The following CACNG5 variants were observed in gnomAD, a reference collection of about 807,000 sequenced individuals.
CACNG5 encodes calcium voltage-gated channel auxiliary subunit gamma 5, also known as voltage-dependent calcium channel gamma-5 subunit.
In CACNG5, 18 loss-of-function variants were observed where a neutral mutation model predicts 24.8. That is an observed-to-expected ratio of 0.73 (90% CI 0.50 to 1.08). The LOEUF (loss-of-function observed/expected upper bound fraction) is 1.08. CACNG5 is among the 50% of genes least tolerant of loss of function. The pLI is 0.00. For missense variants in CACNG5, 349 were observed against 367.9 expected (o/e 0.95, Z 0.42); for synonymous variants, 157 against 149.1 (o/e 1.05, Z -0.39).
At chr17:66,837,461 C>T (rs972644638) in intron 1 of CACNG5, among the ~76,000 whole-genome samples, 2 of 152,238 alleles carry the variant, frequency 1.3e-5, no homozygotes, top group African/African-American at 4.8e-5. Flanking sequence ...GGCTCACTGA[C>T]ACTTGGCACA....
At position 66,854,651 on chromosome 17, in the gene CACNG5, G is replaced by A. The variant is rs144848341; in HGVS notation, c.-104+19401G>A. 5.1e-3 allele frequency among the ~76,000 whole-genome samples: 780 copies of A among 151,976 alleles called. 9 individuals carry two copies. The highest frequency in any genetic ancestry group is 0.018 in the African/African-American group (742 of 41,434). ...AGAGGTTGCAGTGAGCCAAGATCGC[G>A]CCACTGCACTCCAGCCTGGGAAACA... On this transcript the variant is annotated intron_variant, in intron 1 of 5. Coordinates refer to ENST00000533854, the MANE Select transcript of CACNG5 (RefSeq NM_145811.3).
chr17:66,866,092 C>T (rs1157485316), intron 1 of CACNG5, among the ~76,000 whole-genome samples: 1 of 151,932 alleles, frequency 6.6e-6, no homozygotes, highest in Non-Finnish European at 1.5e-5. Flanking sequence ...CTGTAGATTA[C>T]AATAAAGGAA....
chr17:66,839,891 G>A (rs1976542123), intron 1 of CACNG5, among the ~76,000 whole-genome samples: 1 of 152,184 alleles, frequency 6.6e-6, no homozygotes, highest in Non-Finnish European at 1.5e-5. Flanking sequence ...TTGCTCAACT[G>A]AGAAAAGCAA....
chr17:66,873,897 C>T (rs749156992), intron 1 of CACNG5, among the ~76,000 whole-genome samples: 35 of 149,776 alleles, frequency 2.3e-4, no homozygotes, highest in Middle Eastern at 3.5e-3. Context: ...ATGTGCAATG[C>T]GGTTCTTCAA....
intron 4 of CACNG5, among the ~76,000 whole-genome samples, chr17:66,883,073 C>T (rs1032510920): frequency 6.6e-6 from 1 of 152,172 alleles, no homozygotes; most frequent in Non-Finnish European, 1.5e-5. Context: ...ATTCTTCCAT[C>T]TATCAACCCA....
chr17:66,880,635 G>A lies in CACNG5; in HGVS notation c.362G>A (p.Gly121Glu). Residue 121 changes from glycine (G) to glutamate (E), a missense_variant, in exon 4 of 6, where the codon GGA becomes GAA. Physicochemically the swap from Gly to Glu is moderately conservative, Grantham distance 98 (BLOSUM62 -2). Coordinates refer to ENST00000533854, the MANE Select transcript of CACNG5 (RefSeq NM_145811.3). The stretch of plus-strand genomic sequence containing the variant: ...ATTGGGTTTATCCTGAACAACATCG[G>A]ACACATCCGTCCCCACCGGACGATA... ...MFIGFILNNIGHIRPHRTILA... is the reference protein window; with the variant it reads ...MFIGFILNNIEHIRPHRTILA... The A allele has an allele frequency of 6.2e-7, 1 of 1,614,190 alleles. No individual in the cohort carries two copies. Among genetic ancestry groups the A allele is most frequent in the Non-Finnish European group, 8.5e-7 (1 of 1,180,010 alleles).
chr17:66,892,190 C>G lies in CACNG5; in HGVS notation c.*6950C>G, dbSNP rs555192290. Among the ~76,000 whole-genome samples, 1 of 152,366 alleles carries G rather than the reference C, an allele frequency of 6.6e-6. No individual in the cohort carries two copies. The highest frequency in any genetic ancestry group is 1.9e-4 in the East Asian group (1 of 5,188). ...CAGGGACCTCCCCCCACTCCTCGCT[C>G]TGTCTCAGCCTGCACCAGCCCCACC... On this transcript the variant is annotated 3_prime_UTR_variant, in exon 6 of 6. Transcript: ENST00000533854.
intron 1 of CACNG5, among the ~76,000 whole-genome samples, chr17:66,856,203 G>A (rs1976773414): frequency 6.6e-6 from 1 of 152,206 alleles, no homozygotes; most frequent in Non-Finnish European, 1.5e-5. Context: ...TAGAATCACT[G>A]GAACCAAGAG....
At chr17:66,840,622 T>C (rs929361450) in intron 1 of CACNG5, among the ~76,000 whole-genome samples, 1 of 152,124 alleles carries the variant, frequency 6.6e-6, no homozygotes, top group African/African-American at 2.4e-5. Flanking sequence ...GGTTCATCAC[T>C]GGAAATGTGG....
intron 1 of CACNG5, among the ~76,000 whole-genome samples, chr17:66,865,061 C>T (rs1245408036): frequency 6.6e-6 from 1 of 152,224 alleles, no homozygotes; most frequent in South Asian, 2.1e-4. Context: ...ATGCCTTGAT[C>T]GTTCAACAGT....
In CACNG5 at chr17:66,877,439, T is replaced by C. The variant is rs1977098896; in HGVS notation, c.107T>C (p.Leu36Pro). The C allele has an allele frequency of 3.1e-6, 5 of 1,613,910 alleles. No individual in the cohort carries two copies. Among genetic ancestry groups the C allele is most frequent in the Non-Finnish European group, 4.2e-6 (5 of 1,180,008 alleles). Reference protein sequence around the residue: ...IAVSTDYWLYLEEGVIVPQNQ... With the variant: ...IAVSTDYWLYPEEGVIVPQNQ... ...GTCAGCACCGACTACTGGCTGTACC[T>C]GGAGGAGGGTGTGATTGTGCCCCAG... Residue 36 changes from leucine to proline, a missense_variant, in exon 2 of 6, where the codon CTG becomes CCG. Physicochemically the swap from Leu to Pro is moderately conservative, Grantham distance 98 (BLOSUM62 -3). Transcript: ENST00000533854.
intron 1 of CACNG5, among the ~76,000 whole-genome samples, chr17:66,867,813 C>A (rs1438567666): frequency 6.6e-6 from 1 of 152,042 alleles, no homozygotes; most frequent in Non-Finnish European, 1.5e-5. Context: ...GATATCTATT[C>A]TGTTACATTG....
chr17:66,880,533 C>T, intron 3 of CACNG5, 24 bp from the exon 4 acceptor site: 1 of 1,613,960 alleles, frequency 6.2e-7, no homozygotes, highest in Non-Finnish European at 8.5e-7. Flanking sequence ...GGCTGACAGG[C>T]CGCCCTTTTG....
chr17:66,849,650 C>T (rs1976686780), intron 1 of CACNG5, among the ~76,000 whole-genome samples: 1 of 152,176 alleles, frequency 6.6e-6, no homozygotes, highest in African/African-American at 2.4e-5. Context: ...CCTCCCTGGG[C>T]AGGACACCCC....
At chr17:66,876,979 C>CTGAA (rs3834579) in intron 1 of CACNG5, among the ~76,000 whole-genome samples, 28,190 of 149,012 alleles carry the variant, frequency 0.19, 2,859 homozygotes, top group Non-Finnish European at 0.23. Flanking sequence ...CAATGGGTTG[C>CTGAA]TGAATGAATG....
chr17:66,840,042 G>A (rs373620663), intron 1 of CACNG5, among the ~76,000 whole-genome samples: 2 of 152,122 alleles, frequency 1.3e-5, no homozygotes, highest in East Asian at 1.9e-4. Flanking sequence ...CTTACTATCC[G>A]GGTGGCCTTA....
At position 66,886,883 on chromosome 17, in the gene CACNG5, C is replaced by CGGCT. The variant is rs1568075179; in HGVS notation, c.*1644_*1647dup. 5.3e-5 allele frequency among the ~76,000 whole-genome samples: 8 copies of CGGCT among 152,176 alleles called. No individual in the cohort carries two copies. The stretch of plus-strand genomic sequence containing the variant: ...GAGGCCTCTGTCCTTGGCTTGCAGA[C>CGGCT]GGCTACCTTCCCGCTGTGTCCTCAT... On this transcript the variant is annotated 3_prime_UTR_variant, in exon 6 of 6. Coordinates refer to ENST00000533854, the MANE Select transcript of CACNG5 (RefSeq NM_145811.3).
intron 1 of CACNG5, among the ~76,000 whole-genome samples, chr17:66,870,560 A>G (rs1272166377): frequency 1.3e-5 from 2 of 152,200 alleles, no homozygotes; most frequent in African/African-American, 4.8e-5. Flanking sequence ...GCCGAGGTGG[A>G]GAAACCCTGT....
At chr17:66,867,989 T>C (rs1976953198) in intron 1 of CACNG5, among the ~76,000 whole-genome samples, 1 of 152,214 alleles carries the variant, frequency 6.6e-6, no homozygotes, top group Non-Finnish European at 1.5e-5. Context: ...AACAATGATA[T>C]AATTGCTATT....
Sources: gnomAD v4.1 joint callset for allele counts (sites outside exome capture counted in the v4.1 genomes callset) on GRCh38, gnomAD v4.1.1 for gene constraint, MANE v1.5 for transcripts, NCBI Gene and HGNC (gene_info 2026-07-23, HGNC 2026-07-21) for gene names.